UNC5C: variants seen among roughly 807,000 people sequenced by gnomAD.
The protein encoded by UNC5C is netrin receptor UNC5C.
A neutral mutation model predicts 99.8 loss-of-function variants in UNC5C; 47 were observed. The observed-to-expected ratio is 0.47, with a 90% CI of 0.37 to 0.60. UNC5C has a LOEUF of 0.60. Ranked by LOEUF, UNC5C falls within the 20% of genes least tolerant of loss-of-function variation. UNC5C has a pLI of 0.00. For synonymous variants in UNC5C, 487 were observed against 452.2 expected (o/e 1.08, Z -0.98); for missense variants, 1,062 against 1,165.9 (o/e 0.91, Z 1.30).
intron 13 of UNC5C, among the ~76,000 whole-genome samples, chr4:95,184,676 C>A (rs1049823133): frequency 6.6e-6 from 1 of 152,164 alleles, no homozygotes; most frequent in South Asian, 2.1e-4. Context: ...CCTAGGAAGG[C>A]TGAAGCCTAA....
intron 11 of UNC5C, among the ~76,000 whole-genome samples, chr4:95,204,412 A>C (rs1737799044): frequency 6.6e-6 from 1 of 152,186 alleles, no homozygotes; most frequent in African/African-American, 2.4e-5. Context: ...ACAGACAAGG[A>C]GGAATGATGG....
At position 95,258,746 on chromosome 4, in the gene UNC5C, CTTTTTTT is replaced by C. The variant is rs775570031; in HGVS notation, c.595-8086_595-8080del. Among the ~76,000 whole-genome samples, 6 of 76,044 alleles carry C rather than the reference CTTTTTTT, an allele frequency of 7.9e-5. 1 individual carries two copies. Among genetic ancestry groups the C allele is most frequent in the South Asian group, 1.1e-3 (2 of 1,796 alleles). 49.9% of individuals were successfully genotyped at this position (76,044 alleles called of 152,430 possible). On this transcript the variant is annotated intron_variant, in intron 4 of 15. Transcript: ENST00000453304. ...ACTATGTGTAATCGACCATCTTATT[CTTTTTTT>C]TTTTTTTTTTTTTTTTTTTGAGACG...
At chr4:95,219,907 G>T in intron 8 of UNC5C, 78 bp downstream of exon 8, 1 of 1,434,988 alleles carries the variant, frequency 7.0e-7, no homozygotes, top group Non-Finnish European at 9.5e-7. Context: ...CTAGCTGAAT[G>T]AGATGACTCT....
intron 4 of UNC5C, among the ~76,000 whole-genome samples, chr4:95,258,915 C>T (rs1334027037): frequency 6.7e-5 from 10 of 150,194 alleles, no homozygotes; most frequent in African/African-American, 9.8e-5. Flanking sequence ...GCGCCCGCCA[C>T]TGCGCCCGGC....
chr4:95,238,068 C>A (rs188773401), intron 7 of UNC5C, among the ~76,000 whole-genome samples: 12 of 150,264 alleles, frequency 8.0e-5, no homozygotes, highest in African/African-American at 2.0e-4. Context: ...ACATACATAC[C>A]TACATACTCA....
chr4:95,405,782 G>T (rs1187362994), intron 1 of UNC5C, among the ~76,000 whole-genome samples: 2 of 152,122 alleles, frequency 1.3e-5, no homozygotes, highest in African/African-American at 4.8e-5. Flanking sequence ...AGCTGTGTGT[G>T]CACCAGGCTC....
At chr4:95,295,387 C>T (rs974449715) in intron 3 of UNC5C, among the ~76,000 whole-genome samples, 2 of 152,192 alleles carry the variant, frequency 1.3e-5, no homozygotes, top group Non-Finnish European at 2.9e-5. Context: ...GATTTTAAAG[C>T]AGATGTGTTA....
chr4:95,381,372 G>C (rs540885454), intron 1 of UNC5C, among the ~76,000 whole-genome samples: 12 of 152,212 alleles, frequency 7.9e-5, no homozygotes, highest in Non-Finnish European at 1.3e-4. Context: ...AAAGGAAAAC[G>C]TGTGTATGTG....
chr4:95,432,369 A>T (rs1746657446), intron 1 of UNC5C, among the ~76,000 whole-genome samples: 1 of 152,086 alleles, frequency 6.6e-6, no homozygotes, highest in Non-Finnish European at 1.5e-5. Context: ...CCTCTGTAAA[A>T]ACCTAAGACA....
At chr4:95,226,435 A>G (rs1738691809) in intron 7 of UNC5C, among the ~76,000 whole-genome samples, 2 of 152,242 alleles carry the variant, frequency 1.3e-5, no homozygotes, top group East Asian at 3.8e-4. Flanking sequence ...GAAATGACCA[A>G]CAATGACATT....
intron 4 of UNC5C, among the ~76,000 whole-genome samples, chr4:95,274,681 G>A (rs1740790460): frequency 6.6e-6 from 1 of 152,086 alleles, no homozygotes; most frequent in Admixed American, 6.5e-5. Flanking sequence ...ATAAGGGCTG[G>A]TCTAGTGTCC....
intron 4 of UNC5C, among the ~76,000 whole-genome samples, chr4:95,255,021 C>T (rs535980293): frequency 1.3e-5 from 2 of 151,738 alleles, no homozygotes; most frequent in South Asian, 4.2e-4. Context: ...GACAAAGTCT[C>T]ACCGTGTGCA....
At chr4:95,234,456 C>T (rs1199988406) in intron 7 of UNC5C, among the ~76,000 whole-genome samples, 1 of 151,850 alleles carries the variant, frequency 6.6e-6, no homozygotes, top group Non-Finnish European at 1.5e-5. Flanking sequence ...ATACATGTGC[C>T]ACGTTCGTGT....
chr4:95,298,303 C>A lies in UNC5C; in HGVS notation c.490+3303G>T, dbSNP rs1741738250. On this transcript the variant is annotated intron_variant, in intron 3 of 15. Coordinates refer to ENST00000453304, the MANE Select transcript of UNC5C (RefSeq NM_003728.4). ...CTCCAGCCTGGTGACAGAATGAGAC[C>A]CCCATCTCAAAAATCAAACAAACAA... Among the ~76,000 whole-genome samples the A allele has an allele frequency of 2.0e-5, 3 of 151,986 alleles. No individual in the cohort carries two copies. The South Asian group carries it at 6.2e-4, about 32-fold the overall frequency.
rs556547652 is a variant in UNC5C, at chr4:95,429,615, T to C, written c.125-93984A>G. 2.6e-5 allele frequency among the ~76,000 whole-genome samples: 4 copies of C among 152,262 alleles called. No individual in the cohort carries two copies. In the South Asian group the frequency reaches 6.2e-4, roughly 24 times the overall value. On this transcript the variant is annotated intron_variant, in intron 1 of 15. Coordinates refer to ENST00000453304, the MANE Select transcript of UNC5C (RefSeq NM_003728.4). The stretch of plus-strand genomic sequence containing the variant: ...AGCTTTCCATTTCGAGGTGTTTGTA[T>C]ACTGACACGAATCAGATCGGGGCCA...
intron 2 of UNC5C, among the ~76,000 whole-genome samples, chr4:95,306,462 A>G (rs1294228446): frequency 5.3e-5 from 8 of 152,170 alleles, no homozygotes; most frequent in Non-Finnish European, 7.4e-5. Context: ...TCGGCCTCGC[A>G]AAGTGATGGG....
At chr4:95,470,259 C>T (rs764246936) in intron 1 of UNC5C, among the ~76,000 whole-genome samples, 2 of 152,064 alleles carry the variant, frequency 1.3e-5, no homozygotes, top group Non-Finnish European at 2.9e-5. Flanking sequence ...CAAATTGCTA[C>T]AATCTCCAAA....
chr4:95,169,243 C>T lies in UNC5C; in HGVS notation c.2787G>A (p.Gly929=). ...HETVVSLAAE[G]QY The stretch of plus-strand genomic sequence containing the variant: ...CCTTCCAGCATGGTGGTTAATACTG[C>T]CCTTCTGCTGCTAAGGACACCACCG... Residue 929 remains glycine (G), a synonymous_variant, in exon 16 of 16, where the codon GGG becomes GGA. Transcript: ENST00000453304. 2 of 1,614,088 alleles carry T rather than the reference C, an allele frequency of 1.2e-6. No homozygotes were observed. Among genetic ancestry groups the T allele is most frequent in the Non-Finnish European group, 1.7e-6 (2 of 1,180,016 alleles).
chr4:95,481,015 T>C (rs265067), intron 1 of UNC5C, among the ~76,000 whole-genome samples: 22,682 of 147,890 alleles, frequency 0.15, 2,938 homozygotes, highest in African/African-American at 0.37. Context: ...CCAGGGCAAT[T>C]AGGCAGGAGA....
Sources: allele counts gnomAD v4.1 joint callset (sites outside exome capture counted in the v4.1 genomes callset), GRCh38; gene constraint gnomAD v4.1.1; transcripts MANE v1.5; gene names NCBI Gene and HGNC (gene_info 2026-07-23, HGNC 2026-07-21).